The following PKD1L1 variants were observed in gnomAD, a reference collection of about 807,000 sequenced individuals.
PKD1L1 encodes polycystin 1 like 1, transient receptor potential channel interacting.
Under a neutral mutation model 323.4 loss-of-function variants are expected in PKD1L1, and 236 were observed. The observed-to-expected ratio is 0.73, with a 90% CI of 0.66 to 0.81. The LOEUF (loss-of-function observed/expected upper bound fraction) is 0.81, where lower values mean the gene tolerates loss of function less well. Ranked by LOEUF, PKD1L1 falls within the 40% of genes least tolerant of loss-of-function variation. PKD1L1 has a pLI of 0.00. For synonymous variants in PKD1L1, 1,344 were observed against 1,335.0 expected (o/e 1.01, Z -0.15); for missense variants, 3,320 against 3,508.0 (o/e 0.95, Z 1.35).
chr7:47,878,472 G>A lies in PKD1L1; in HGVS notation c.3521-841C>T, dbSNP rs1435600564. Among the ~76,000 whole-genome samples, 6 of 152,170 alleles carry A rather than the reference G, an allele frequency of 3.9e-5. 1 individual carries two copies. Among genetic ancestry groups the A allele is most frequent in the Admixed American group, 3.9e-4 (6 of 15,280 alleles). On this transcript the variant is annotated intron_variant, in intron 21 of 56. Transcript: ENST00000289672. ...ATCATCATCCTCATCGTAACAGCAG[G>A]TACCATCTATTGAGCCTCTGCTACA... is the stretch of plus-strand genomic sequence containing the variant.
intron 46 of PKD1L1, among the ~76,000 whole-genome samples, chr7:47,816,961 C>A (rs990885040): frequency 2.0e-5 from 3 of 152,136 alleles, no homozygotes; most frequent in African/African-American, 7.2e-5. Flanking sequence ...TGGTTCCGGG[C>A]GTGGTGGCTC....
chr7:47,827,523 C>T, intron 44 of PKD1L1, 55 bp from the exon 45 acceptor site: 3 of 1,453,742 alleles, frequency 2.1e-6, no homozygotes, highest in South Asian at 1.3e-5. Context: ...AGGAGAGAGG[C>T]CCCTGGTGCT....
rs909436204 is a variant in PKD1L1, at chr7:47,819,723, T to C, written c.6965+1353A>G. 7 of 462,088 alleles carry C rather than the reference T, an allele frequency of 1.5e-5. 1 individual carries two copies. In the East Asian group the frequency reaches 2.5e-4, roughly 16 times the overall value. 28.6% of individuals were successfully genotyped at this position (462,088 alleles called of 1,614,324 possible). ...AGCACTGGGACTTCCAGGTCTTACC[T>C]TACGAGTGGGTCACAACACTGACAA... On this transcript the variant is annotated intron_variant, in intron 46 of 56. Transcript: ENST00000289672.
chr7:47,954,178 C>T, the PKD1L1 span, among the ~76,000 whole-genome samples: 27 of 152,310 alleles, frequency 1.8e-4, no homozygotes, highest in African/African-American at 5.5e-4. Flanking sequence ...CTATGAGCCT[C>T]GGAAGAGCCA....
intron 7 of PKD1L1, among the ~76,000 whole-genome samples, chr7:47,915,909 A>C (rs1288071186): frequency 6.6e-6 from 1 of 152,210 alleles, no homozygotes; most frequent in Non-Finnish European, 1.5e-5. Context: ...GGAGAAATTA[A>C]AATTCTTAAC....
intron 42 of PKD1L1, among the ~76,000 whole-genome samples, chr7:47,830,996 G>T (rs1172415094): frequency 1.4e-4 from 21 of 152,160 alleles, no homozygotes; most frequent in Non-Finnish European, 1.5e-5. Flanking sequence ...CCCCATCCAG[G>T]CCTGCTGCCA....
chr7:47,813,506 A>T (rs1562942246), intron 48 of PKD1L1: 1 of 708,904 alleles, frequency 1.4e-6, no homozygotes. Flanking sequence ...GAAGGTTGGC[A>T]TCTGAGCTGT....
At chr7:47,876,340 G>C in intron 22 of PKD1L1, 123 bp from the exon 23 acceptor site, 1 of 1,164,250 alleles carries the variant, frequency 8.6e-7, no homozygotes. Flanking sequence ...CCAGGAAGAG[G>C]GTAAGTGACA....
At chr7:47,798,496 G>A (rs1252181456) in intron 54 of PKD1L1, among the ~76,000 whole-genome samples, 2 of 152,242 alleles carry the variant, frequency 1.3e-5, no homozygotes, top group African/African-American at 2.4e-5. Flanking sequence ...AGTGGCTCAC[G>A]TCTGTAATCC....
intron 17 of PKD1L1, among the ~76,000 whole-genome samples, chr7:47,886,315 C>CA (rs111946626): frequency 0.046 from 6,961 of 151,918 alleles, 375 homozygotes; most frequent in African/African-American, 0.14. Context: ...TCTTCCAAGT[C>CA]GGGGGGGAGG....
intron 40 of PKD1L1, among the ~76,000 whole-genome samples, chr7:47,833,858 T>C (rs2128736094): frequency 6.6e-6 from 1 of 152,308 alleles, no homozygotes; most frequent in Admixed American, 6.5e-5. Flanking sequence ...GCCCTCCAAC[T>C]GCCCCGTGTC....
chr7:47,795,587 G>T, intron 55 of PKD1L1: 1 of 345,062 alleles, frequency 2.9e-6, no homozygotes, highest in Non-Finnish European at 5.6e-6. Context: ...TGCATGTCTG[G>T]GGTGACTGAA....
At chr7:47,779,116 A>G (rs1294131804) in intron 56 of PKD1L1, among the ~76,000 whole-genome samples, 3 of 152,148 alleles carry the variant, frequency 2.0e-5, no homozygotes, top group Non-Finnish European at 2.9e-5. Context: ...CCAGTGCCAC[A>G]GACATTTCCA....
At chr7:47,895,583 G>A (rs556857749) in intron 14 of PKD1L1, among the ~76,000 whole-genome samples, 2 of 152,288 alleles carry the variant, frequency 1.3e-5, no homozygotes, top group African/African-American at 2.4e-5. Context: ...GATATCTATG[G>A]AAGAGGATTG....
chr7:47,831,601 C>T (rs1482039719), intron 41 of PKD1L1, among the ~76,000 whole-genome samples: 1 of 152,186 alleles, frequency 6.6e-6, no homozygotes, highest in African/African-American at 2.4e-5. Flanking sequence ...CCTTGAGGTC[C>T]TGAATAGAAC....
intron 49 of PKD1L1, among the ~76,000 whole-genome samples, chr7:47,812,870 C>A (rs1784930381): frequency 6.6e-6 from 1 of 152,240 alleles, no homozygotes; most frequent in Non-Finnish European, 1.5e-5. Context: ...CCATGAGCTA[C>A]AGATGTTCTA....
chr7:47,850,978 G>A (rs1785770176), intron 31 of PKD1L1, among the ~76,000 whole-genome samples: 1 of 152,128 alleles, frequency 6.6e-6, no homozygotes, highest in Non-Finnish European at 1.5e-5. Flanking sequence ...TTGGCAACTG[G>A]AATTCTCACT....
chr7:47,789,760 T>C (rs1457546674), intron 56 of PKD1L1, among the ~76,000 whole-genome samples: 2 of 152,256 alleles, frequency 1.3e-5, no homozygotes, highest in African/African-American at 4.8e-5. Context: ...ATATACCTTA[T>C]GGTTTAAATA....
At chr7:47,796,671 T>C (rs78400927) in intron 54 of PKD1L1, among the ~76,000 whole-genome samples, 7,811 of 152,200 alleles carry the variant, frequency 0.051, 261 homozygotes, top group South Asian at 0.14. Flanking sequence ...CTCGAATTTT[T>C]ACACATCCAA....
Sources: allele counts gnomAD v4.1 joint callset (sites outside exome capture counted in the v4.1 genomes callset), GRCh38; gene constraint gnomAD v4.1.1; transcripts MANE v1.5; gene names NCBI Gene and HGNC (gene_info 2026-07-23, HGNC 2026-07-21).